The following PCDHGB5 variants were observed in gnomAD, a reference collection of about 807,000 sequenced individuals.
PCDHGB5 encodes protocadherin gamma-B5.
In PCDHGB5, 48 loss-of-function variants were observed where a neutral mutation model predicts 62.9. That is an observed-to-expected ratio of 0.76 (90% CI 0.61 to 0.97). The LOEUF (loss-of-function observed/expected upper bound fraction) is 0.97, where lower values mean the gene tolerates loss of function less well. PCDHGB5 is among the 50% of genes least tolerant of loss of function. The pLI is 0.00. For synonymous variants in PCDHGB5, 474 were observed against 511.2 expected (o/e 0.93, Z 0.98); for missense variants, 1,118 against 1,198.6 (o/e 0.93, Z 0.99).
intron 1 of PCDHGB5, chr5:141,416,827 T>A (rs981344540): frequency 1.2e-4 from 18 of 152,268 alleles, no homozygotes; most frequent in African/African-American, 3.9e-4. Context: ...CCGAAGTTTC[T>A]CAAGACCCTT....
chr5:141,441,672 GCCTTCGA>G (rs1327551430), intron 1 of PCDHGB5: 1 of 290,468 alleles, frequency 3.4e-6, no homozygotes, highest in Non-Finnish European at 6.8e-6. Flanking sequence ...CGCACAGTGC[GCCTTCGA>G]CCAAGAGCAG....
chr5:141,509,199 GTCTC>G (rs1017134758), intron 3 of PCDHGB5, among the ~76,000 whole-genome samples: 4 of 152,070 alleles, frequency 2.6e-5, no homozygotes, highest in Admixed American at 2.0e-4. Context: ...AATATTTCCT[GTCTC>G]TCTATTTCTC....
chr5:141,447,430 A>G (rs960560239), intron 1 of PCDHGB5, among the ~76,000 whole-genome samples: 9 of 152,156 alleles, frequency 5.9e-5, no homozygotes, highest in African/African-American at 2.2e-4. Flanking sequence ...GAGCCACCGC[A>G]CCCGGAGGAA....
intron 1 of PCDHGB5, chr5:141,475,956 G>T (rs2099382674): frequency 2.5e-6 from 2 of 805,186 alleles, no homozygotes; most frequent in South Asian, 1.9e-5. Flanking sequence ...TCTGCGCCCC[G>T]GGATGAGGCA....
At chr5:141,400,685 T>G in intron 1 of PCDHGB5, 161 bp downstream of exon 1, 1 of 827,408 alleles carries the variant, frequency 1.2e-6, no homozygotes, top group South Asian at 1.8e-5. Context: ...AAATTGTGAG[T>G]TTTTATGTCG....
At chr5:141,504,452 T>C (rs1208972630) in intron 2 of PCDHGB5, among the ~76,000 whole-genome samples, 1 of 152,060 alleles carries the variant, frequency 6.6e-6, no homozygotes, top group Non-Finnish European at 1.5e-5. Flanking sequence ...TAGTGCCATG[T>C]GGGGCAGCCG....
At chr5:141,409,184 T>C in intron 1 of PCDHGB5, 1 of 1,614,044 alleles carries the variant, frequency 6.2e-7, no homozygotes, top group Non-Finnish European at 8.5e-7. Context: ...AGGTGGTCTC[T>C]CTACCCAGTG....
chr5:141,458,674 A>G (rs1315462699), intron 1 of PCDHGB5, among the ~76,000 whole-genome samples: 1 of 152,104 alleles, frequency 6.6e-6, no homozygotes, highest in East Asian at 1.9e-4. Flanking sequence ...GGTTCAAGCA[A>G]TTCTACTGCC....
rs1406362621 is a variant in PCDHGB5, at chr5:141,477,099, G to A, written c.2398-17708G>A. On this transcript the variant is annotated intron_variant, in intron 1 of 3. Transcript: ENST00000617380. This position sits in a 1 kb window ranked among gnomAD's most constrained non-coding sequence, Gnocchi z 4.9. ...ATTTACATCCAGGCCAAAGACAAGG[G>A]CGCCAATCCCGAAGGAGCACATTGC... The A allele has an allele frequency of 6.2e-7, 1 of 1,614,256 alleles. No individual in the cohort carries two copies. Among genetic ancestry groups the A allele is most frequent in the Non-Finnish European group, 8.5e-7 (1 of 1,180,054 alleles).
intron 1 of PCDHGB5, chr5:141,405,363 C>G (rs765508317): frequency 5.0e-6 from 8 of 1,613,808 alleles, no homozygotes; most frequent in Non-Finnish European, 6.8e-6. Context: ...ATAGAAGACA[C>G]CCCTTTGGTT....
intron 1 of PCDHGB5, chr5:141,404,321 T>C (rs764642673): frequency 1.2e-6 from 2 of 1,613,882 alleles, no homozygotes; most frequent in East Asian, 2.2e-5. Flanking sequence ...TCAAGCCTCC[T>C]ACTCAGTCTA....
Position 141,476,376 on chromosome 5 carries a change from T to C in PCDHGB5, c.2398-18431T>C. ...GTGAACCGGGAGACCGGAGAGATGT[T>C]TGTGAACGACCGTCTGGATCGAGAG... On this transcript the variant is annotated intron_variant, in intron 1 of 3. Coordinates refer to ENST00000617380, the MANE Select transcript of PCDHGB5 (RefSeq NM_018925.3). The surrounding 1 kb of genome is among the most constrained non-coding windows in gnomAD (Gnocchi z 7.6). The C allele has an allele frequency of 6.2e-7, 1 of 1,614,060 alleles. No homozygotes were observed. Among genetic ancestry groups the C allele is most frequent in the Non-Finnish European group, 8.5e-7 (1 of 1,180,004 alleles).
intron 1 of PCDHGB5, among the ~76,000 whole-genome samples, chr5:141,460,646 C>T (rs1001365023): frequency 2.0e-5 from 3 of 151,954 alleles, no homozygotes; most frequent in African/African-American, 7.3e-5. Context: ...ACTGTGTTTA[C>T]ACATATGTAA....
chr5:141,478,038 G>A lies in PCDHGB5; in HGVS notation c.2398-16769G>A, dbSNP rs1401384720. ...CCAGTCCAAGACACAGATTCACCCA[G>A]GCAGACTCTCACGGTCTTGATCAAA... On this transcript the variant is annotated intron_variant, in intron 1 of 3. Transcript: ENST00000617380. 8 of 1,614,006 alleles carry A rather than the reference G, an allele frequency of 5.0e-6. No homozygotes were observed. In the African/African-American group the frequency reaches 1.1e-4, roughly 22 times the overall value.
At position 141,476,011 on chromosome 5, in the gene PCDHGB5, A is replaced by C. The variant is rs1415142555; in HGVS notation, c.2398-18796A>C. On this transcript the variant is annotated intron_variant, in intron 1 of 3. Coordinates refer to ENST00000617380, the MANE Select transcript of PCDHGB5 (RefSeq NM_018925.3). This position sits in a 1 kb window ranked among gnomAD's most constrained non-coding sequence, Gnocchi z 7.6. The stretch of plus-strand genomic sequence containing the variant: ...GCAAATCAACGGCATCCAGAAAGCC[A>C]TGTCGGACTCGGCGCCCAGCGCCCA... 2.3e-6 allele frequency: 3 copies of C among 1,311,164 alleles called. No homozygotes were observed. Among genetic ancestry groups the C allele is most frequent in the African/African-American group, 1.5e-5 (1 of 68,020 alleles). 81.2% of individuals were successfully genotyped at this position (1,311,164 alleles called of 1,614,324 possible).
rs189767695 is a variant in PCDHGB5, at chr5:141,497,247, T to C, written c.2456+2382T>C. Among the ~76,000 whole-genome samples the C allele has an allele frequency of 2.0e-5, 3 of 151,456 alleles. No individual in the cohort carries two copies. The East Asian group carries it at 5.8e-4, about 29-fold the overall frequency. ...ATCAGAGAAGGCTTCTAGGAGGAGGTGACATTGAGAAGTTCTAGGCCATTT... is the reference window on the plus strand; with the variant it reads ...ATCAGAGAAGGCTTCTAGGAGGAGGCGACATTGAGAAGTTCTAGGCCATTT... On this transcript the variant is annotated intron_variant, in intron 2 of 3. Transcript: ENST00000617380.
intron 1 of PCDHGB5, among the ~76,000 whole-genome samples, chr5:141,472,908 C>T (rs1369506606): frequency 1.3e-5 from 2 of 149,744 alleles, no homozygotes; most frequent in African/African-American, 2.5e-5. Context: ...ATTGCTTGAA[C>T]CCAAGAGGAG....
Position 141,431,141 on chromosome 5 carries a change from G to T in PCDHGB5, c.2397+30617G>T. 1.2e-6 allele frequency: 2 copies of T among 1,614,212 alleles called. No homozygotes were observed. Among genetic ancestry groups the T allele is most frequent in the South Asian group, 1.1e-5 (1 of 91,084 alleles). On this transcript the variant is annotated intron_variant, in intron 1 of 3. Coordinates refer to ENST00000617380, the MANE Select transcript of PCDHGB5 (RefSeq NM_018925.3). This position sits in a 1 kb window ranked among gnomAD's most constrained non-coding sequence, Gnocchi z 4.8. ...AGAAGTAGAAGTAAGGGACATTAACGACAATGCGCCTTACTTTCGTGAAAG... is the reference window on the plus strand; with the variant it reads ...AGAAGTAGAAGTAAGGGACATTAACTACAATGCGCCTTACTTTCGTGAAAG...
At chr5:141,427,692 C>A in intron 1 of PCDHGB5, 1 of 903,150 alleles carries the variant, frequency 1.1e-6, no homozygotes, top group Non-Finnish European at 1.8e-6. Context: ...AGCCTCCATC[C>A]CACAAGTCAG....
Sources: gnomAD v4.1 joint callset for allele counts (sites outside exome capture counted in the v4.1 genomes callset) on GRCh38, gnomAD v4.1.1 for gene constraint, Gnocchi (gnomAD v3.1) non-coding constraint, MANE v1.5 for transcripts, NCBI Gene and HGNC (gene_info 2026-07-23, HGNC 2026-07-21) for gene names.